The following GALNT13 variants were observed in gnomAD, a reference collection of about 807,000 sequenced individuals.
GALNT13 encodes polypeptide N-acetylgalactosaminyltransferase 13.
Under a neutral mutation model 64.2 loss-of-function variants are expected in GALNT13, and 28 were observed. The observed-to-expected ratio is 0.44, with a 90% CI of 0.32 to 0.60. The LOEUF (loss-of-function observed/expected upper bound fraction) is 0.60. GALNT13 is among the 20% of genes least tolerant of loss of function. The pLI is 0.05. For missense variants in GALNT13, 577 were observed against 669.8 expected (o/e 0.86, Z 1.53); for synonymous variants, 214 against 224.6 (o/e 0.95, Z 0.42).
chr2:153,654,604 A>T, the GALNT13 span, among the ~76,000 whole-genome samples: 1 of 152,118 alleles, frequency 6.6e-6, no homozygotes, highest in Non-Finnish European at 1.5e-5. Flanking sequence ...CTGAGGATTC[A>T]ACCATCTGAG....
At chr2:153,281,160 A>G in the GALNT13 span, among the ~76,000 whole-genome samples, 1 of 152,054 alleles carries the variant, frequency 6.6e-6, no homozygotes, top group Non-Finnish European at 1.5e-5. Context: ...AGTCTGTTGT[A>G]TCTGATATAA....
chr2:153,513,564 T>A, the GALNT13 span, among the ~76,000 whole-genome samples: 2 of 152,214 alleles, frequency 1.3e-5, no homozygotes, highest in Non-Finnish European at 1.5e-5. Context: ...TAAGTTTTAG[T>A]TGTGTTTATT....
intron 3 of GALNT13, among the ~76,000 whole-genome samples, chr2:154,018,957 A>G (rs1310390512): frequency 2.0e-5 from 3 of 151,856 alleles, no homozygotes; most frequent in Admixed American, 1.3e-4. Context: ...GAGAGAAATA[A>G]CAGGGAGTAG....
At chr2:153,217,342 C>G in the GALNT13 span, among the ~76,000 whole-genome samples, 127,432 of 151,934 alleles carry the variant, frequency 0.84, 54,692 homozygotes, top group African/African-American at 0.94. Context: ...TATTCCCTGA[C>G]CTTCTTGAAT....
At chr2:153,916,392 A>G (rs1173705695) in intron 2 of GALNT13, among the ~76,000 whole-genome samples, 2 of 151,984 alleles carry the variant, frequency 1.3e-5, no homozygotes, top group East Asian at 3.9e-4. Context: ...CCTGGCTTCA[A>G]ACGATCCTCC....
chr2:153,519,162 A>C, the GALNT13 span, among the ~76,000 whole-genome samples: 3 of 152,184 alleles, frequency 2.0e-5, no homozygotes. Context: ...CACACGTCCA[A>C]ACAGGATTCT....
At chr2:153,278,925 G>A in the GALNT13 span, among the ~76,000 whole-genome samples, 1 of 152,100 alleles carries the variant, frequency 6.6e-6, no homozygotes, top group Non-Finnish European at 1.5e-5. Context: ...AAATAGTATT[G>A]AATCTGCAGG....
At chr2:153,533,723 C>CTTTTTTTTATTTTTTTTTTTTTTT in the GALNT13 span, among the ~76,000 whole-genome samples, 1 of 48,732 alleles carries the variant, frequency 2.1e-5, no homozygotes, top group Admixed American at 3.0e-4. Flanking sequence ...TGAGGTTTTT[C>CTTTTTTTTATTTTTTTTTTTTTTT]TTTTTTTTTT....
At chr2:153,274,712 C>G in the GALNT13 span, among the ~76,000 whole-genome samples, 2 of 152,194 alleles carry the variant, frequency 1.3e-5, no homozygotes, top group African/African-American at 4.8e-5. Context: ...GAAATGCATT[C>G]TTTTCTCTAC....
rs969545654 is a variant in GALNT13 at position 154,451,434 on chromosome 2, T to C, written c.*883T>C. The C allele has an allele frequency of 9.9e-5, 15 of 152,118 alleles. No homozygotes were observed. The highest frequency in any genetic ancestry group is 3.4e-4 in the African/African-American group (14 of 41,438). 9.4% of individuals were successfully genotyped at this position (152,118 alleles called of 1,614,324 possible). On this transcript the variant is annotated 3_prime_UTR_variant, in exon 13 of 13. Coordinates refer to ENST00000392825, the MANE Select transcript of GALNT13 (RefSeq NM_052917.4). ...GCATGCCATTGATGCTGTACAGAAT[T>C]GCAGGTGAAAGGGAGAATTTTAGAC...
the GALNT13 span, among the ~76,000 whole-genome samples, chr2:153,676,204 T>C: frequency 6.6e-6 from 1 of 152,000 alleles, no homozygotes. Flanking sequence ...TCACCAGGAA[T>C]ACAAAAAACC....
intron 3 of GALNT13, among the ~76,000 whole-genome samples, chr2:154,015,721 A>G (rs967145099): frequency 6.6e-6 from 1 of 152,206 alleles, no homozygotes; most frequent in Admixed American, 6.5e-5. Flanking sequence ...TATAGGAAGC[A>G]TCTTACTGTC....
At chr2:153,926,133 T>C (rs1690119061) in intron 2 of GALNT13, among the ~76,000 whole-genome samples, 2 of 152,076 alleles carry the variant, frequency 1.3e-5, no homozygotes, top group African/African-American at 2.4e-5. Flanking sequence ...CAGAAATCAC[T>C]ACGCATCTCA....
At chr2:153,140,158 C>T in the GALNT13 span, among the ~76,000 whole-genome samples, 191 of 152,090 alleles carry the variant, frequency 1.3e-3, no homozygotes, top group South Asian at 2.5e-3. Context: ...CTATTTATCA[C>T]GGAAGGAAAT....
chr2:153,790,955 A>T, the GALNT13 span, among the ~76,000 whole-genome samples: 1 of 152,228 alleles, frequency 6.6e-6, no homozygotes, highest in East Asian at 1.9e-4. Flanking sequence ...ATAAGAGATG[A>T]CACAAACAAA....
chr2:153,617,114 G>A, the GALNT13 span, among the ~76,000 whole-genome samples: 1 of 151,916 alleles, frequency 6.6e-6, no homozygotes, highest in Non-Finnish European at 1.5e-5. Flanking sequence ...GAATAACAGT[G>A]GTGACAGTGG....
the GALNT13 span, among the ~76,000 whole-genome samples, chr2:153,686,347 G>A: frequency 6.6e-6 from 1 of 152,112 alleles, no homozygotes; most frequent in Admixed American, 6.6e-5. Context: ...AGTTCTCCTT[G>A]AAGAGAACTT....
At chr2:154,216,425 C>T (rs546863889) in intron 4 of GALNT13, among the ~76,000 whole-genome samples, 5 of 152,104 alleles carry the variant, frequency 3.3e-5, no homozygotes, top group South Asian at 2.1e-4. Flanking sequence ...AAATTTAAGA[C>T]GTTGGTGAAG....
At chr2:154,239,157 C>T (rs1440128553) in intron 4 of GALNT13, among the ~76,000 whole-genome samples, 2 of 151,872 alleles carry the variant, frequency 1.3e-5, no homozygotes, top group Non-Finnish European at 2.9e-5. Context: ...ATAAAGGTAA[C>T]ATTTGTGAGT....
Sources: gnomAD v4.1 joint callset for allele counts (sites outside exome capture counted in the v4.1 genomes callset) on GRCh38, gnomAD v4.1.1 for gene constraint, MANE v1.5 for transcripts, NCBI Gene and HGNC (gene_info 2026-07-23, HGNC 2026-07-21) for gene names.